AGBL4: variants seen among roughly 807,000 people sequenced by gnomAD.
The protein encoded by AGBL4 is cytosolic carboxypeptidase 6.
Under a neutral mutation model 66.4 loss-of-function variants are expected in AGBL4, and 58 were observed. That is an observed-to-expected ratio of 0.87 (90% CI 0.71 to 1.09). The LOEUF (loss-of-function observed/expected upper bound fraction) is 1.09. Among genes scored for constraint, AGBL4 ranks in the 50% least tolerant of loss-of-function variants. AGBL4 has a pLI of 0.00. For missense variants in AGBL4, 579 were observed against 631.0 expected, an observed-to-expected ratio of 0.92 and a Z score of 0.88; for synonymous variants, 234 against 222.9, an observed-to-expected ratio of 1.05 and a Z score of -0.44.
chr1:48,794,994 G>C (rs1213767559), intron 6 of AGBL4, among the ~76,000 whole-genome samples: 1 of 152,070 alleles, frequency 6.6e-6, no homozygotes, highest in Non-Finnish European at 1.5e-5. Context: ...CAAAGATCAG[G>C]TTAGAAACCA....
At chr1:49,547,479 T>C (rs56174386) in intron 3 of AGBL4, among the ~76,000 whole-genome samples, 2,806 of 152,310 alleles carry the variant, frequency 0.018, 38 homozygotes, top group Non-Finnish European at 0.026. Context: ...TTGCTTTGGC[T>C]ATGCGGGCCC....
At chr1:49,598,542 C>A (rs1198211364) in intron 3 of AGBL4, among the ~76,000 whole-genome samples, 1 of 152,178 alleles carries the variant, frequency 6.6e-6, no homozygotes, top group Non-Finnish European at 1.5e-5. Flanking sequence ...TTTTCGTGAA[C>A]CGCGAATGCT....
rs113144558 is a variant in AGBL4 at position 49,751,380 on chromosome 1, C to T, written c.158-53943G>A. Among the ~76,000 whole-genome samples, 1,326 of 152,200 alleles carry T rather than the reference C, an allele frequency of 8.7e-3. 15 individuals are homozygous for T. The highest frequency in any genetic ancestry group is 0.031 in the African/African-American group (1,270 of 41,520). On this transcript the variant is annotated intron_variant, in intron 2 of 13. Transcript: ENST00000371839. ...TTGGTTCTGTTTATGTCATGAATTA[C>T]GTTTACTGATTTAAGTATGTTGAAC...
At chr1:48,949,127 G>C (rs749784764) in intron 5 of AGBL4, among the ~76,000 whole-genome samples, 20 of 152,158 alleles carry the variant, frequency 1.3e-4, no homozygotes, top group African/African-American at 2.9e-4. Context: ...AGGAAAAAAG[G>C]GTTGAAAATC....
At chr1:49,496,058 A>G (rs1438952224) in intron 3 of AGBL4, among the ~76,000 whole-genome samples, 1 of 152,038 alleles carries the variant, frequency 6.6e-6, no homozygotes, top group Admixed American at 6.6e-5. Context: ...TACACAGGAT[A>G]AAGACTGCAG....
intron 3 of AGBL4, among the ~76,000 whole-genome samples, chr1:49,333,552 C>T (rs1570457056): frequency 6.6e-6 from 1 of 151,874 alleles, no homozygotes; most frequent in Admixed American, 6.6e-5. Context: ...AGCAAAAGAA[C>T]GATTCAAGTT....
intron 4 of AGBL4, among the ~76,000 whole-genome samples, chr1:49,206,566 T>C (rs1419288559): frequency 6.6e-6 from 1 of 152,012 alleles, no homozygotes; most frequent in Non-Finnish European, 1.5e-5. Flanking sequence ...ATACATATTC[T>C]TTTGCTGCAT....
chr1:48,549,993 A>G (rs757715522), intron 11 of AGBL4, among the ~76,000 whole-genome samples: 3 of 152,092 alleles, frequency 2.0e-5, no homozygotes, highest in Non-Finnish European at 4.4e-5. Context: ...ACAGATAGGG[A>G]CGGGAAGGGA....
At chr1:49,113,772 A>G (rs1371728925) in intron 4 of AGBL4, among the ~76,000 whole-genome samples, 1 of 152,240 alleles carries the variant, frequency 6.6e-6, no homozygotes, top group Admixed American at 6.5e-5. Context: ...TCATCTGTAT[A>G]TCTCCATCAG....
chr1:48,860,088 TAA>T (rs1431278342), intron 6 of AGBL4, among the ~76,000 whole-genome samples: 1 of 151,976 alleles, frequency 6.6e-6, no homozygotes, highest in Admixed American at 6.5e-5. Context: ...GGACAAAAAA[TAA>T]GTCTCTCTCC....
chr1:49,799,471 G>C (rs932384505), intron 2 of AGBL4, among the ~76,000 whole-genome samples: 2 of 152,148 alleles, frequency 1.3e-5, no homozygotes, highest in African/African-American at 4.8e-5. Context: ...TCATTGGAAA[G>C]ATCTGAGAAA....
chr1:49,040,389 A>G lies in AGBL4; in HGVS notation c.594+5195T>C, dbSNP rs373841663. Among the ~76,000 whole-genome samples the G allele has an allele frequency of 1.9e-3, 283 of 152,202 alleles. 2 individuals are homozygous for G. The highest frequency in any genetic ancestry group is 6.4e-3 in the African/African-American group (268 of 41,566). On this transcript the variant is annotated intron_variant, in intron 5 of 13. Coordinates refer to ENST00000371839, the MANE Select transcript of AGBL4 (RefSeq NM_032785.4). Reference sequence around the variant, plus strand: ...GATAAGGATATAAAATGACACTACTATTTGGAACACAGTTTGACAGTTTAT... The same window carrying G: ...GATAAGGATATAAAATGACACTACTGTTTGGAACACAGTTTGACAGTTTAT...
chr1:49,477,800 A>G (rs1646876096), intron 3 of AGBL4, among the ~76,000 whole-genome samples: 1 of 151,966 alleles, frequency 6.6e-6, no homozygotes, highest in Non-Finnish European at 1.5e-5. Flanking sequence ...GAGGAAACTA[A>G]AAGAAATTCA....
chr1:49,769,435 T>C (rs201970832), intron 2 of AGBL4, among the ~76,000 whole-genome samples: 3 of 152,170 alleles, frequency 2.0e-5, no homozygotes, highest in South Asian at 2.1e-4. Context: ...AAACTACCAA[T>C]GTTATTTGTC....
At chr1:49,698,082 T>C (rs34234263) in intron 2 of AGBL4, among the ~76,000 whole-genome samples, 7,562 of 152,244 alleles carry the variant, frequency 0.05, 577 homozygotes, top group African/African-American at 0.16. Flanking sequence ...CCATTTTCCA[T>C]ATTGTCTCTC....
chr1:49,663,364 T>A (rs1646306104), intron 3 of AGBL4, among the ~76,000 whole-genome samples: 1 of 152,182 alleles, frequency 6.6e-6, no homozygotes, highest in Admixed American at 6.6e-5. Context: ...TGATGTGTGC[T>A]ACTTCTAAAC....
chr1:49,187,535 C>G (rs79357529), intron 4 of AGBL4: 1 of 152,124 alleles, frequency 6.6e-6, no homozygotes, highest in Admixed American at 6.6e-5. Flanking sequence ...TTCAAGATCT[C>G]TTGCTGAGTT....
chr1:49,052,066 A>G (rs1424059838), intron 4 of AGBL4, among the ~76,000 whole-genome samples: 2 of 133,162 alleles, frequency 1.5e-5, no homozygotes, highest in Non-Finnish European at 3.1e-5. Context: ...CAGAGTTTAT[A>G]TTATATGTAG....
chr1:49,818,546 T>C (rs1262396457), intron 2 of AGBL4, among the ~76,000 whole-genome samples: 1 of 151,972 alleles, frequency 6.6e-6, no homozygotes, highest in Non-Finnish European at 1.5e-5. Context: ...TTTAAAATTT[T>C]TGTAGAGTTG....
Sources: gnomAD v4.1 joint callset for allele counts (sites outside exome capture counted in the v4.1 genomes callset) on GRCh38, gnomAD v4.1.1 for gene constraint, MANE v1.5 for transcripts, NCBI Gene and HGNC (gene_info 2026-07-23, HGNC 2026-07-21) for gene names.